The following STAG1 variants were observed in gnomAD, a reference collection of about 807,000 sequenced individuals.
STAG1 encodes cohesin subunit SA-1.
In STAG1, 26 loss-of-function variants were observed where a neutral mutation model predicts 170.9. The observed-to-expected ratio is 0.15, with a 90% CI of 0.11 to 0.21. The LOEUF (loss-of-function observed/expected upper bound fraction) is 0.21. Among genes scored for constraint, STAG1 ranks in the 10% least tolerant of loss-of-function variants. STAG1 has a pLI of 1.00. For synonymous variants in STAG1, 514 were observed against 497.7 expected (o/e 1.03, Z -0.44); for missense variants, 964 against 1,509.5 (o/e 0.64, Z 5.99).
At chr3:136,367,790 A>T (rs1260107707) in intron 24 of STAG1, among the ~76,000 whole-genome samples, 1 of 152,178 alleles carries the variant, frequency 6.6e-6, no homozygotes, top group Non-Finnish European at 1.5e-5. Context: ...TGCACATATA[A>T]AAAATTTTTA....
At chr3:136,468,391 A>C (rs185212790) in intron 12 of STAG1, among the ~76,000 whole-genome samples, 43 of 152,328 alleles carry the variant, frequency 2.8e-4, no homozygotes, top group Admixed American at 6.5e-4. Context: ...CTACGCAAAT[A>C]AACTAGAAAA....
intron 1 of STAG1, among the ~76,000 whole-genome samples, chr3:136,670,414 A>G (rs1265971539): frequency 2.0e-5 from 3 of 152,224 alleles, no homozygotes; most frequent in Non-Finnish European, 2.9e-5. Context: ...AAGAAAGTAC[A>G]ATCATTTTAT....
intron 21 of STAG1, among the ~76,000 whole-genome samples, chr3:136,408,545 A>G (rs942371829): frequency 3.3e-5 from 5 of 152,146 alleles, no homozygotes; most frequent in African/African-American, 1.2e-4. Context: ...ACCAACCCAT[A>G]AGGGATTAAA....
intron 1 of STAG1, among the ~76,000 whole-genome samples, chr3:136,651,068 T>C (rs1262878705): frequency 6.6e-6 from 1 of 152,066 alleles, no homozygotes; most frequent in Non-Finnish European, 1.5e-5. Context: ...AGAGATATAA[T>C]ATTAAAGTAT....
chr3:136,550,092 A>G (rs1193076731), intron 5 of STAG1, among the ~76,000 whole-genome samples: 1 of 152,054 alleles, frequency 6.6e-6, no homozygotes, highest in South Asian at 2.1e-4. Context: ...TTTTCGTGGT[A>G]TCTTTTTTTT....
intron 1 of STAG1, among the ~76,000 whole-genome samples, chr3:136,734,787 A>G (rs1934242663): frequency 6.6e-6 from 1 of 152,216 alleles, no homozygotes; most frequent in Admixed American, 6.5e-5. Flanking sequence ...TCAATTTTGT[A>G]TACCACTGCC....
chr3:136,694,208 C>T (rs1196939292), intron 1 of STAG1, among the ~76,000 whole-genome samples: 4 of 152,100 alleles, frequency 2.6e-5, no homozygotes, highest in Non-Finnish European at 4.4e-5. Context: ...TGATACTTAT[C>T]CCAATATCGT....
intron 7 of STAG1, among the ~76,000 whole-genome samples, chr3:136,506,476 C>CAAAAAAAAAAAAA (rs11414654): frequency 1.2e-5 from 1 of 85,336 alleles, no homozygotes; most frequent in Non-Finnish European, 2.4e-5. Context: ...ACTAAAAATA[C>CAAAAAAAAAAAAA]AAAAAAAAAA....
chr3:136,611,085 T>C (rs1559908370), intron 3 of STAG1, among the ~76,000 whole-genome samples: 1 of 152,210 alleles, frequency 6.6e-6, no homozygotes, highest in African/African-American at 2.4e-5. Context: ...GGAACTCAAG[T>C]CTAAACATGA....
chr3:136,722,938 C>A (rs1195087296), intron 1 of STAG1, among the ~76,000 whole-genome samples: 1 of 152,224 alleles, frequency 6.6e-6, no homozygotes, highest in Non-Finnish European at 1.5e-5. Flanking sequence ...GAGTGATCCG[C>A]CAGCCTCGGC....
At chr3:136,684,470 C>T (rs111557120) in intron 1 of STAG1, among the ~76,000 whole-genome samples, 8 of 152,258 alleles carry the variant, frequency 5.3e-5, no homozygotes, top group African/African-American at 1.7e-4. Flanking sequence ...CCCAAACAGG[C>T]GGGGTGCATT....
intron 1 of STAG1, among the ~76,000 whole-genome samples, chr3:136,735,498 A>G (rs1303970806): frequency 6.6e-6 from 1 of 151,438 alleles, no homozygotes; most frequent in East Asian, 1.9e-4. Context: ...GTGCACTGGC[A>G]TGATCTCAGC....
chr3:136,464,150 G>A (rs2089376033), intron 13 of STAG1, among the ~76,000 whole-genome samples: 1 of 151,766 alleles, frequency 6.6e-6, no homozygotes, highest in South Asian at 2.1e-4. Context: ...ATGGCCAGGT[G>A]TGGTGGCTCA....
chr3:136,502,840 A>C, intron 7 of STAG1, 61 bp from the exon 8 acceptor site: 1 of 1,302,880 alleles, frequency 7.7e-7, no homozygotes, highest in Non-Finnish European at 1.0e-6. Flanking sequence ...ATAAGATTAC[A>C]AATTTATAAA....
At chr3:136,645,439 C>G (rs1346924219) in intron 1 of STAG1, among the ~76,000 whole-genome samples, 1 of 152,160 alleles carries the variant, frequency 6.6e-6, no homozygotes, top group Admixed American at 6.5e-5. Context: ...TCTGCTCATA[C>G]CACTCTCCAT....
At position 136,597,096 on chromosome 3, in the gene STAG1, A is replaced by G. The variant is rs368066250; in HGVS notation, c.297+7213T>C. Among the ~76,000 whole-genome samples, 121 of 152,236 alleles carry G rather than the reference A, an allele frequency of 7.9e-4. 4 individuals carry two copies. In the South Asian group the frequency reaches 0.023, roughly 29 times the overall value. Reference sequence around the variant, plus strand: ...ATCTTAAAAAAAAATTTTTTTTCAGAGTTTAAATATACCACAGTTTATCAA... The same window carrying G: ...ATCTTAAAAAAAAATTTTTTTTCAGGGTTTAAATATACCACAGTTTATCAA... On this transcript the variant is annotated intron_variant, in intron 4 of 33. Coordinates refer to ENST00000383202, the MANE Select transcript of STAG1 (RefSeq NM_005862.3).
chr3:136,455,154 A>G (rs1370513303), intron 13 of STAG1, among the ~76,000 whole-genome samples: 4 of 152,212 alleles, frequency 2.6e-5, no homozygotes. Flanking sequence ...ATATTCTAAT[A>G]AAAACTTTTT....
At chr3:136,501,118 C>T (rs1408455146) in intron 8 of STAG1, among the ~76,000 whole-genome samples, 1 of 152,090 alleles carries the variant, frequency 6.6e-6, no homozygotes, top group African/African-American at 2.4e-5. Flanking sequence ...ACTTTTATTG[C>T]AAAATCATTC....
chr3:136,386,077 C>A (rs1386444921), intron 22 of STAG1, among the ~76,000 whole-genome samples: 1 of 152,142 alleles, frequency 6.6e-6, no homozygotes, highest in African/African-American at 2.4e-5. Context: ...GTGGCTCATG[C>A]CTGTAATCCC....
Sources: gnomAD v4.1 joint callset for allele counts (sites outside exome capture counted in the v4.1 genomes callset) on GRCh38, gnomAD v4.1.1 for gene constraint, MANE v1.5 for transcripts, NCBI Gene and HGNC (gene_info 2026-07-23, HGNC 2026-07-21) for gene names.